The following GCNT1 variants were observed in gnomAD, a reference collection of about 807,000 sequenced individuals.
GCNT1 encodes the protein beta-1,3-galactosyl-O-glycosyl-glycoprotein beta-1,6-N-acetylglucosaminyltransferase.
Under a neutral mutation model 26.2 loss-of-function variants are expected in GCNT1, and 16 were observed. The ratio of observed to expected loss-of-function variants is 0.61; its 90% CI spans 0.41 to 0.93. The LOEUF is 0.93. Among genes scored for constraint, GCNT1 ranks in the 40% least tolerant of loss-of-function variants. GCNT1 has a pLI of 0.00. For missense variants in GCNT1, 477 were observed against 526.7 expected (o/e 0.91, Z 0.92); for synonymous variants, 183 against 190.8 (o/e 0.96, Z 0.34).
Position 76,484,755 on chromosome 9 carries a change from T to C in GCNT1, c.-289-16161T>C, listed in dbSNP as rs550103344. 2.6e-5 allele frequency among the ~76,000 whole-genome samples: 4 copies of C among 152,048 alleles called. No homozygotes were observed. In the East Asian group the frequency reaches 7.7e-4, roughly 29 times the overall value. On this transcript the variant is annotated intron_variant, in intron 2 of 3. Coordinates refer to ENST00000376730, the MANE Select transcript of GCNT1 (RefSeq NM_001490.5). ...CTCAATGTTTATATTACTATAGCCA[T>C]GTATAAACTGAGCATAGCATACCAT...
intron 2 of GCNT1, among the ~76,000 whole-genome samples, chr9:76,469,807 C>T (rs567269439): frequency 2.6e-5 from 4 of 152,238 alleles, no homozygotes; most frequent in South Asian, 2.1e-4. Flanking sequence ...CTGGGTTCCA[C>T]GGTTCTCTTC....
At position 76,502,855 on chromosome 9, in the gene GCNT1, C is replaced by A; in HGVS notation, c.474C>A (p.Ser158=). Reference sequence around the variant, plus strand: ...ATTGCATTCATGTGGACACAAAATCCGAGGATTCCTATTTAGCTGCAGTGA... The same window carrying A: ...ATTGCATTCATGTGGACACAAAATCAGAGGATTCCTATTTAGCTGCAGTGA... The part of the protein sequence containing the change: ...NFYCIHVDTK[S]EDSYLAAVMG... Residue 158 remains serine (S), a synonymous_variant, in exon 4 of 4, where the codon TCC becomes TCA. Transcript: ENST00000376730. 1 of 1,613,996 alleles carries A rather than the reference C, an allele frequency of 6.2e-7. No homozygotes were observed. Among genetic ancestry groups the A allele is most frequent in the Non-Finnish European group, 8.5e-7 (1 of 1,179,966 alleles).
At chr9:76,493,697 C>T (rs1824816045) in intron 2 of GCNT1, among the ~76,000 whole-genome samples, 1 of 152,012 alleles carries the variant, frequency 6.6e-6, no homozygotes, top group African/African-American at 2.4e-5. Flanking sequence ...TATAGGGAGG[C>T]TAGGATATGG....
Position 76,466,643 on chromosome 9 carries a change from G to T in GCNT1, c.-290+6466G>T, listed in dbSNP as rs550705015. Among the ~76,000 whole-genome samples, 10 of 152,286 alleles carry T rather than the reference G, an allele frequency of 6.6e-5. No homozygotes were observed. In the South Asian group the frequency reaches 1.9e-3, roughly 28 times the overall value. ...TGGTAGAGAGGAAGAGCCTAAAGAT[G>T]CAGGAGGGTAAAATAAATGATAGGA... On this transcript the variant is annotated intron_variant, in intron 2 of 3. Transcript: ENST00000376730.
rs5898475 is a variant in GCNT1 at position 76,428,699 on chromosome 9, A to ATTT, written n.38+8828_38+8830dup. ...GAATAACGTAGCTGTTGCGTATTCT[A>ATTT]TTTTTTTTTTTTTTTTTTGAGACAG... On this transcript the variant is annotated intron_variant and non_coding_transcript_variant, in intron 1 of 3. Transcript: ENST00000488136. Among the ~76,000 whole-genome samples the ATTT allele has an allele frequency of 6.7e-3, 871 of 130,092 alleles. 16 individuals are homozygous for ATTT. Among genetic ancestry groups the ATTT allele is most frequent in the Non-Finnish European group, 9.4e-3 (591 of 62,786 alleles). The allele number at this position is 130,092 out of a possible 152,430, so 85.3% of individuals were successfully genotyped here.
chr9:76,433,499 G>A (rs1324003570), intron 1 of GCNT1, among the ~76,000 whole-genome samples: 1 of 152,186 alleles, frequency 6.6e-6, no homozygotes, highest in Non-Finnish European at 1.5e-5. Context: ...CCACATGCCT[G>A]GGCCAGCCAC....
intron 2 of GCNT1, among the ~76,000 whole-genome samples, chr9:76,483,066 C>CA (rs1824465799): frequency 6.6e-6 from 1 of 151,874 alleles, no homozygotes; most frequent in Non-Finnish European, 1.5e-5. Flanking sequence ...ATTTGTATTA[C>CA]AATGTAATAA....
intron 2 of GCNT1, among the ~76,000 whole-genome samples, chr9:76,461,314 C>T (rs752635623): frequency 1.6e-4 from 25 of 151,728 alleles, no homozygotes; most frequent in Non-Finnish European, 7.4e-5. Context: ...CAAAGAGGGC[C>T]GGGCGCAGTG....
chr9:76,408,843 A>G, the GCNT1 span, among the ~76,000 whole-genome samples: 12 of 152,124 alleles, frequency 7.9e-5, no homozygotes, highest in Admixed American at 2.0e-4. Flanking sequence ...GTGTGCCATG[A>G]CACCCAGCTA....
chr9:76,485,060 T>C (rs766294052), intron 2 of GCNT1, among the ~76,000 whole-genome samples: 5 of 151,944 alleles, frequency 3.3e-5, no homozygotes, highest in Non-Finnish European at 7.4e-5. Context: ...GTGCTGGGAT[T>C]ACTGGCGTGA....
At chr9:76,496,031 T>TA (rs1040322392) in intron 2 of GCNT1, among the ~76,000 whole-genome samples, 14 of 151,966 alleles carry the variant, frequency 9.2e-5, no homozygotes, top group South Asian at 4.2e-4. Flanking sequence ...GATTCCCCAG[T>TA]AAAAAAAACT....
chr9:76,502,605 T>C lies in GCNT1; in HGVS notation c.224T>C (p.Leu75Pro), dbSNP rs372014174. ...GTAAATGAAATCCAAAAGGTAAAGC[T>C]TGAGATCCTAACAGTGAAATTTAAA... ...GDVNEIQKVK[L>P]EILTVKFKKR... The change falls in exon 4 of 4, where the codon CTT (leucine) becomes CCT (proline). Residue 75 changes from leucine to proline, a missense_variant. Transcript: ENST00000376730. 25 of 1,613,760 alleles carry C rather than the reference T, an allele frequency of 1.5e-5. No homozygotes were observed. Among genetic ancestry groups the C allele is most frequent in the Non-Finnish European group, 2.1e-5 (25 of 1,179,884 alleles).
At chr9:76,487,482 CCATCAGCGGTTTGT>C (rs1824610650) in intron 2 of GCNT1, among the ~76,000 whole-genome samples, 1 of 152,210 alleles carries the variant, frequency 6.6e-6, no homozygotes, top group Non-Finnish European at 1.5e-5. Context: ...CCAGGTTTAT[CCATCAGCGGTTTGT>C]TTATGCATAG....
chr9:76,394,902 G>C, the GCNT1 span, among the ~76,000 whole-genome samples: 1 of 152,322 alleles, frequency 6.6e-6, no homozygotes, highest in Non-Finnish European at 1.5e-5. Flanking sequence ...CCTCTTCACA[G>C]AGGCTTTTCC....
At chr9:76,440,714 G>A (rs1823472714), upstream of GCNT1, among the ~76,000 whole-genome samples, 1 of 152,152 alleles carries the variant, frequency 6.6e-6, no homozygotes, top group Non-Finnish European at 1.5e-5. Context: ...TACCTAAGAG[G>A]AGTCTTCCCT....
intron 2 of GCNT1, among the ~76,000 whole-genome samples, chr9:76,467,197 C>T (rs1032797317): frequency 1.3e-5 from 2 of 152,176 alleles, no homozygotes; most frequent in Non-Finnish European, 2.9e-5. Flanking sequence ...CACCCGCCAC[C>T]GCGCCCAGCT....
chr9:76,413,668 G>GTTTTTTTTTTTTTTTTT, the GCNT1 span, among the ~76,000 whole-genome samples: 13 of 84,208 alleles, frequency 1.5e-4, no homozygotes, highest in Non-Finnish European at 2.8e-4. Flanking sequence ...TTTTTTTTTT[G>GTTTTTTTTTTTTTTTTT]TTTTTTTTTT....
chr9:76,443,535 G>A (rs1413948636), intron 1 of GCNT1, among the ~76,000 whole-genome samples: 1 of 152,202 alleles, frequency 6.6e-6, no homozygotes, highest in Admixed American at 6.5e-5. Flanking sequence ...CCTTTAAGCG[G>A]TTTTCCACCC....
intron 1 of GCNT1, among the ~76,000 whole-genome samples, chr9:76,420,944 GA>G (rs35205492): frequency 0.013 from 1,552 of 123,090 alleles, 18 homozygotes; most frequent in Non-Finnish European, 0.015. Flanking sequence ...ATCTCAAAAG[GA>G]AAAAAAAAAA....
Sources: gnomAD v4.1 joint callset for allele counts (sites outside exome capture counted in the v4.1 genomes callset) on GRCh38, gnomAD v4.1.1 for gene constraint, MANE v1.5 for transcripts, NCBI Gene and HGNC (gene_info 2026-07-23, HGNC 2026-07-21) for gene names.